SULT6B1: variants seen among roughly 807,000 people sequenced by gnomAD.
SULT6B1 encodes the protein sulfotransferase 6B1.
In SULT6B1, 44 loss-of-function variants were observed where a neutral mutation model predicts 37.2. The observed-to-expected ratio is 1.18, with a 90% CI of 0.93 to 1.52. The LOEUF is 1.52. SULT6B1 is among the 40% of genes most tolerant of loss of function. The pLI is 0.00. For synonymous variants in SULT6B1, 140 were observed against 126.0 expected (o/e 1.11, Z -0.74); for missense variants, 450 against 361.0 (o/e 1.25, Z -2.00).
intron 1 of SULT6B1, chr2:37,194,641 G>A (rs1158857254): frequency 1.7e-5 from 5 of 298,390 alleles, no homozygotes; most frequent in African/African-American, 1.1e-4. Context: ...CCCACTCTGT[G>A]GATGTGCTTG....
intron 6 of SULT6B1, among the ~76,000 whole-genome samples, chr2:37,168,493 T>C (rs529972021): frequency 8.5e-5 from 13 of 152,284 alleles, no homozygotes; most frequent in African/African-American, 2.4e-4. Flanking sequence ...GTGATTTCTG[T>C]TGTAAAATTA....
At chr2:37,188,413 G>A in intron 1 of SULT6B1, 29 bp downstream of exon 1, 1 of 1,585,648 alleles carries the variant, frequency 6.3e-7, no homozygotes, top group South Asian at 1.1e-5. Context: ...TATGAGAAGT[G>A]TACTTGTAGG....
At chr2:37,190,605 G>A (rs1033292523), upstream of SULT6B1, among the ~76,000 whole-genome samples, 1 of 152,176 alleles carries the variant, frequency 6.6e-6, no homozygotes, top group African/African-American at 2.4e-5. Flanking sequence ...GAGAGGTGAG[G>A]GTTGGCGGGA....
intron 1 of SULT6B1, among the ~76,000 whole-genome samples, 166 bp downstream of exon 1, chr2:37,188,276 T>C (rs541070088): frequency 6.6e-6 from 1 of 152,304 alleles, no homozygotes; most frequent in Admixed American, 6.5e-5. Context: ...GCAGTTCTAT[T>C]TACTGATTTT....
chr2:37,190,709 C>T (rs1017033392), upstream of SULT6B1, among the ~76,000 whole-genome samples: 22 of 152,000 alleles, frequency 1.4e-4, no homozygotes, highest in African/African-American at 5.1e-4. Flanking sequence ...TTGACCATAG[C>T]GTTTTTAAGG....
At chr2:37,193,441 G>A (rs1438472284), upstream of SULT6B1, among the ~76,000 whole-genome samples, 1 of 151,886 alleles carries the variant, frequency 6.6e-6, no homozygotes, top group African/African-American at 2.4e-5. Context: ...CAGCCCGGGT[G>A]ACAGAGTGAG....
At chr2:37,186,298 C>T (rs761103218) in intron 2 of SULT6B1, among the ~76,000 whole-genome samples, 12 of 152,242 alleles carry the variant, frequency 7.9e-5, no homozygotes, top group African/African-American at 1.2e-4. Flanking sequence ...TTCCCTTCCC[C>T]GCTGCATTCT....
At position 37,171,739 on chromosome 2, in the gene SULT6B1, A is replaced by G; in HGVS notation, c.625-149T>C. ...AAACTTAGAGTACTTTCATCTTCTT[A>G]TGTAAATATTGAGATATCTCTGTAA... On this transcript the variant is annotated intron_variant, in intron 5 of 6. Coordinates refer to ENST00000535679, the MANE Select transcript of SULT6B1 (RefSeq NM_001367551.1). 6.1e-6 allele frequency: 4 copies of G among 659,092 alleles called. No individual in the cohort carries two copies. The South Asian group carries it at 6.5e-5, about 11-fold the overall frequency. 40.8% of individuals were successfully genotyped at this position (659,092 alleles called of 1,614,324 possible). A position where few individuals can be genotyped will look rare whatever the true frequency, so the allele number is the denominator to read the frequency against.
chr2:37,188,779 CCTCA>C (rs989610033), upstream of SULT6B1: 9 of 490,920 alleles, frequency 1.8e-5, no homozygotes, highest in African/African-American at 1.4e-4. Flanking sequence ...TCCACCCCTC[CCTCA>C]CTATTACATA....
chr2:37,169,276 G>T (rs889374933), intron 6 of SULT6B1, among the ~76,000 whole-genome samples: 1 of 152,120 alleles, frequency 6.6e-6, no homozygotes, highest in Non-Finnish European at 1.5e-5. Flanking sequence ...ACCAAAGTTA[G>T]GTTTACATTC....
At chr2:37,192,413 T>C (rs867565031), upstream of SULT6B1, among the ~76,000 whole-genome samples, 1 of 152,316 alleles carries the variant, frequency 6.6e-6, no homozygotes, top group Middle Eastern at 3.4e-3. Flanking sequence ...GGTTTCATTA[T>C]GTAGGTGAAT....
intron 1 of SULT6B1, among the ~76,000 whole-genome samples, chr2:37,195,201 T>C (rs1321055564): frequency 6.6e-6 from 1 of 152,134 alleles, no homozygotes; most frequent in Admixed American, 6.5e-5. Flanking sequence ...CTGCCCACCT[T>C]GGCCTCCCAA....
In SULT6B1 at chr2:37,188,532, T is replaced by G; in HGVS notation, c.109A>C (p.Ile37Leu). The part of the protein sequence containing the change: ...FFTYQGIPYP[I>L]TMCTSETFQA... ...AAAGTTTCTGAGGTGCACATGGTGA[T>G]GGGGTAAGGAATCCCCTGATAGGTG... The change falls in exon 1 of 7, where the codon ATC (isoleucine) becomes CTC (leucine). Residue 37 changes from isoleucine (I) to leucine (L), a missense_variant. Coordinates refer to ENST00000535679, the MANE Select transcript of SULT6B1 (RefSeq NM_001367551.1). The G allele has an allele frequency of 6.2e-7, 1 of 1,614,130 alleles. No individual in the cohort carries two copies. Among genetic ancestry groups the G allele is most frequent in the Non-Finnish European group, 8.5e-7 (1 of 1,179,950 alleles).
rs939646255 is a variant in SULT6B1 at position 37,183,492 on chromosome 2, G to T, written c.335C>A (p.Pro112Gln). Residue 112 changes from proline (P) to glutamine (Q), a missense_variant, in exon 3 of 7, where the codon CCA becomes CAA. Pro to Gln is a moderately conservative substitution (Grantham distance 76, BLOSUM62 -1). Transcript: ENST00000535679. ...KYQRMKGFPS[P>Q]RILATHLHYD... ...GTGGAGGTGAGTTGCCAAAATCCTT[G>T]GTGATGGAAAGCCTTTCATTCTCTT... The T allele has an allele frequency of 4.3e-6, 7 of 1,613,888 alleles. No homozygotes were observed. The African/African-American group carries it at 9.3e-5, about 22-fold the overall frequency.
intron 5 of SULT6B1, among the ~76,000 whole-genome samples, chr2:37,172,296 T>A (rs1291608990): frequency 1.3e-5 from 2 of 152,200 alleles, no homozygotes; most frequent in Admixed American, 6.5e-5. Flanking sequence ...CAGTGCATAA[T>A]GTGAATCTCC....
At chr2:37,189,223 T>C (rs1229770563), upstream of SULT6B1, among the ~76,000 whole-genome samples, 2 of 152,226 alleles carry the variant, frequency 1.3e-5, no homozygotes, top group South Asian at 2.1e-4. Context: ...GAGCTAATGA[T>C]AATATATCTC....
chr2:37,178,363 G>A (rs1676475593), intron 4 of SULT6B1, among the ~76,000 whole-genome samples: 3 of 152,092 alleles, frequency 2.0e-5, no homozygotes, highest in African/African-American at 7.2e-5. Context: ...AGCCTACTAA[G>A]TAGCTGGGAT....
chr2:37,179,092 G>A (rs1676492383), intron 4 of SULT6B1, among the ~76,000 whole-genome samples: 1 of 152,188 alleles, frequency 6.6e-6, no homozygotes, highest in African/African-American at 2.4e-5. Context: ...CCGAGTAGCT[G>A]GGACTACAGG....
At chr2:37,172,207 C>T (rs976397310) in intron 5 of SULT6B1, among the ~76,000 whole-genome samples, 6 of 152,096 alleles carry the variant, frequency 3.9e-5, no homozygotes, top group African/African-American at 7.2e-5. Context: ...TGTGCCACCA[C>T]ATCTGGCTAA....
Sources: allele counts gnomAD v4.1 joint callset (sites outside exome capture counted in the v4.1 genomes callset), GRCh38; gene constraint gnomAD v4.1.1; transcripts MANE v1.5; gene names NCBI Gene and HGNC (gene_info 2026-07-23, HGNC 2026-07-21).